TNIK: variants seen among roughly 807,000 people sequenced by gnomAD.
The protein encoded by TNIK is TRAF2 and NCK-interacting protein kinase.
TNIK carries 49 observed loss-of-function variants against 191.3 expected under a neutral mutation model. The ratio of observed to expected loss-of-function variants is 0.26; its 90% CI spans 0.20 to 0.32. The LOEUF (loss-of-function observed/expected upper bound fraction) is 0.32. TNIK is among the 10% of genes least tolerant of loss of function. The probability of loss-of-function intolerance (pLI) is 1.00; values close to 1 mark genes in which losing one functional copy is unlikely to be tolerated. For missense variants in TNIK, 1,155 were observed against 1,702.3 expected, an observed-to-expected ratio of 0.68 and a Z score of 5.66; for synonymous variants, 594 against 600.9, an observed-to-expected ratio of 0.99 and a Z score of 0.17.
chr3:171,244,091 CG>C (rs1242313465), intron 2 of TNIK, among the ~76,000 whole-genome samples: 2 of 142,146 alleles, frequency 1.4e-5, no homozygotes, highest in Non-Finnish European at 3.0e-5. Context: ...GACAGAGTCT[CG>C]CTCTGTCGCC....
chr3:171,084,452 C>T, intron 25 of TNIK, 127 bp from the exon 26 acceptor site: 1 of 1,113,124 alleles, frequency 9.0e-7, no homozygotes, highest in Non-Finnish European at 1.3e-6. Flanking sequence ...AACTCTGAAA[C>T]TCTCCTTATT....
At chr3:171,355,999 C>T (rs1211767232) in intron 2 of TNIK, among the ~76,000 whole-genome samples, 1 of 152,062 alleles carries the variant, frequency 6.6e-6, no homozygotes, top group East Asian at 1.9e-4. Flanking sequence ...CTGGCCTTCC[C>T]CCTGCTTGGA....
chr3:171,181,978 A>C (rs1736703189), intron 7 of TNIK, among the ~76,000 whole-genome samples: 1 of 152,154 alleles, frequency 6.6e-6, no homozygotes, highest in Non-Finnish European at 1.5e-5. Context: ...GGTTTAGGGA[A>C]AAAATATGTA....
intron 1 of TNIK, among the ~76,000 whole-genome samples, chr3:171,406,891 A>G (rs1334692894): frequency 6.6e-6 from 1 of 152,258 alleles, no homozygotes; most frequent in Non-Finnish European, 1.5e-5. Context: ...AAGATAACAC[A>G]GCGATTTGCT....
At chr3:171,242,394 C>T (rs1167625042) in intron 2 of TNIK, among the ~76,000 whole-genome samples, 5 of 152,182 alleles carry the variant, frequency 3.3e-5, no homozygotes, top group African/African-American at 4.8e-5. Context: ...TCTCTTCTAA[C>T]AGCACCTGAT....
chr3:171,276,769 A>C (rs1036823598), intron 2 of TNIK, among the ~76,000 whole-genome samples: 12 of 152,362 alleles, frequency 7.9e-5, no homozygotes, highest in African/African-American at 2.9e-4. Context: ...TGGTAATAAA[A>C]AATTCATCAA....
chr3:171,318,132 T>C lies in TNIK; in HGVS notation c.123+51488A>G, dbSNP rs184212631. Among the ~76,000 whole-genome samples the C allele has an allele frequency of 2.4e-3, 373 of 152,278 alleles. 1 individual carries two copies. The highest frequency in any genetic ancestry group is 5.2e-3 in the Admixed American group (80 of 15,284). The stretch of plus-strand genomic sequence containing the variant: ...CCTATGCTGCTTCTATACCTCAGTG[T>C]AGAAAGAAGGAGAGTCATACTATAT... On this transcript the variant is annotated intron_variant, in intron 2 of 32. Coordinates refer to ENST00000436636, the MANE Select transcript of TNIK (RefSeq NM_015028.4).
chr3:171,314,723 A>AT (rs1754415124), intron 2 of TNIK, among the ~76,000 whole-genome samples: 1 of 152,112 alleles, frequency 6.6e-6, no homozygotes, highest in Admixed American at 6.6e-5. Context: ...AAATAAATAA[A>AT]TAATAAAACA....
intron 18 of TNIK, among the ~76,000 whole-genome samples, chr3:171,122,938 T>C (rs1479095939): frequency 6.6e-6 from 1 of 152,224 alleles, no homozygotes; most frequent in Non-Finnish European, 1.5e-5. Flanking sequence ...TTGAGACCTC[T>C]ACACCAACCA....
chr3:171,138,069 T>A, intron 15 of TNIK, 122 bp downstream of exon 15: 1 of 860,638 alleles, frequency 1.2e-6, no homozygotes, highest in Non-Finnish European at 1.6e-6. Flanking sequence ...AAGCAAAGCA[T>A]GTGTCTTATG....
rs1306067169 is a variant in TNIK, at chr3:171,140,454, T to A, written c.1277A>T (p.His426Leu). 3 of 1,612,672 alleles carry A rather than the reference T, an allele frequency of 1.9e-6. No individual in the cohort carries two copies. Among genetic ancestry groups the A allele is most frequent in the Non-Finnish European group, 1.7e-6 (2 of 1,179,356 alleles). The change falls in exon 13 of 33, where the codon CAC becomes CTC. Residue 426 changes from histidine to leucine, a missense_variant. His to Leu is a moderately conservative substitution (Grantham distance 99, BLOSUM62 -3). Coordinates refer to ENST00000436636, the MANE Select transcript of TNIK (RefSeq NM_015028.4). ...RKQQEREQRR[H>L]YEEQMRREEE... ...CTCCCGGCGCATCTGCTCCTCATAG[T>A]GCCGGCGCTGCTCCCTCTCCTGCTG...
chr3:171,352,922 C>A (rs1170798181), intron 2 of TNIK, among the ~76,000 whole-genome samples: 1 of 152,136 alleles, frequency 6.6e-6, no homozygotes, highest in East Asian at 1.9e-4. Context: ...TGACCCAAGC[C>A]AAAGAACCTT....
chr3:171,344,981 T>G (rs962318811), intron 2 of TNIK, among the ~76,000 whole-genome samples: 1 of 152,118 alleles, frequency 6.6e-6, no homozygotes, highest in Non-Finnish European at 1.5e-5. Flanking sequence ...CTATCAACAC[T>G]TACCCTAAAT....
chr3:171,101,438 A>G lies in TNIK; in HGVS notation c.2591+11T>C. On this transcript the variant is annotated intron_variant, in intron 22 of 32. Transcript: ENST00000436636. ...CCCTCCCGGTCTACACTTTAAAAGT[A>G]GTTCTCTTACATCAGTCTGGGTATG... 6.3e-7 allele frequency: 1 copy of G among 1,589,164 alleles called. No homozygotes were observed. The highest frequency in any genetic ancestry group is 8.5e-7 in the Non-Finnish European group (1 of 1,171,644).
At chr3:171,394,657 T>C (rs779177152) in intron 1 of TNIK, among the ~76,000 whole-genome samples, 3 of 152,226 alleles carry the variant, frequency 2.0e-5, no homozygotes, top group Non-Finnish European at 4.4e-5. Flanking sequence ...CTTTTAGAGA[T>C]CATCAGCAAC....
intron 5 of TNIK, among the ~76,000 whole-genome samples, chr3:171,193,103 A>G (rs1386686201): frequency 6.6e-6 from 1 of 152,222 alleles, no homozygotes; most frequent in Non-Finnish European, 1.5e-5. Flanking sequence ...CCTTTGACAC[A>G]GACCAGGTAT....
rs370658435 is a variant in TNIK, at chr3:171,087,524, G to A, written c.2722-18C>T. On this transcript the variant is annotated intron_variant, in intron 23 of 32. Coordinates refer to ENST00000436636, the MANE Select transcript of TNIK (RefSeq NM_015028.4). ...CCAGACGTCTGAGGGAGCACAGCACGTGGGAGGAGTTAGAGAGGGGGGAAA... is the reference window on the plus strand; with the variant it reads ...CCAGACGTCTGAGGGAGCACAGCACATGGGAGGAGTTAGAGAGGGGGGAAA... 4.0e-5 allele frequency: 64 copies of A among 1,611,544 alleles called. No individual in the cohort carries two copies. The African/African-American group carries it at 6.4e-4, about 16-fold the overall frequency.
chr3:171,165,954 T>G (rs149886135), intron 10 of TNIK, among the ~76,000 whole-genome samples: 1 of 152,280 alleles, frequency 6.6e-6, no homozygotes, highest in African/African-American at 2.4e-5. Flanking sequence ...CATGCAAGTT[T>G]TTACCTTGGT....
intron 2 of TNIK, among the ~76,000 whole-genome samples, chr3:171,336,403 T>A (rs1756954505): frequency 6.6e-6 from 1 of 152,188 alleles, no homozygotes; most frequent in South Asian, 2.1e-4. Context: ...TCATTTTCAG[T>A]GTTTTTGTCT....
Sources: gnomAD v4.1 joint callset for allele counts (sites outside exome capture counted in the v4.1 genomes callset) on GRCh38, gnomAD v4.1.1 for gene constraint, MANE v1.5 for transcripts, NCBI Gene and HGNC (gene_info 2026-07-23, HGNC 2026-07-21) for gene names.